The following ATXN3 variants were observed in gnomAD, a reference collection of about 807,000 sequenced individuals.
The protein encoded by ATXN3 is ataxin-3.
In ATXN3, 28 loss-of-function variants were observed where a neutral mutation model predicts 58.2. The observed-to-expected ratio is 0.48, with a 90% CI of 0.36 to 0.66. The LOEUF is 0.66. ATXN3 is among the 30% of genes least tolerant of loss of function. The probability of loss-of-function intolerance (pLI) is 0.00; values close to 1 mark genes in which losing one functional copy is unlikely to be tolerated. For synonymous variants in ATXN3, 113 were observed against 138.5 expected (o/e 0.82, Z 1.29); for missense variants, 321 against 422.1 (o/e 0.76, Z 2.10).
chr14:92,070,762 TTTTG>T, intron 10 of ATXN3, 169 bp downstream of exon 10: 2 of 1,318,210 alleles, frequency 1.5e-6, no homozygotes, highest in East Asian at 2.7e-5. Flanking sequence ...TTTTTTTTTC[TTTTG>T]GTAACTGCTC....
chr14:92,071,722 C>G (rs2059488192), intron 9 of ATXN3: 1 of 168,944 alleles, frequency 5.9e-6, no homozygotes, highest in Non-Finnish European at 1.3e-5. Flanking sequence ...TACCTTTGAT[C>G]AGATAAAGCA....
Position 92,096,801 on chromosome 14 carries a change from T to C in ATXN3, c.62A>G (p.Asn21Ser). 1 of 1,613,842 alleles carries C rather than the reference T, an allele frequency of 6.2e-7. No homozygotes were observed. The highest frequency in any genetic ancestry group is 8.5e-7 in the Non-Finnish European group (1 of 1,179,902). Residue 21 changes from asparagine to serine, a missense_variant, in exon 2 of 11, where the codon AAC (asparagine) becomes AGC (serine). Asn to Ser is a conservative substitution (Grantham distance 46). Around this residue, in one of 2 missense-constraint regions of ATXN3, gnomAD observed 121 missense variants for 198.9 expected, o/e 0.61. Transcript: ENST00000644486. Reference protein sequence around the residue: ...GSLCAQHCLNNLLQGEYFSPV... With the variant: ...GSLCAQHCLNSLLQGEYFSPV... Reference sequence around the variant, plus strand: ...GCTAAAATATTCTCCTTGCAATAAGTTATTCAGGCAATGTTGAGCACAAAG... The same window carrying C: ...GCTAAAATATTCTCCTTGCAATAAGCTATTCAGGCAATGTTGAGCACAAAG...
intron 6 of ATXN3, 70 bp from the exon 7 acceptor site, chr14:92,083,328 T>C (rs1018081897): frequency 2.1e-6 from 3 of 1,438,054 alleles, no homozygotes; most frequent in African/African-American, 2.9e-5. Flanking sequence ...AAAACACTAG[T>C]AGATAAAAAG....
rs766001707 is a variant in ATXN3, at chr14:92,096,772, C to T, written c.91G>A (p.Val31Met). ...NLLQGEYFSPVELSSIAHQLD... is the reference protein window; with the variant it reads ...NLLQGEYFSPMELSSIAHQLD... Reference sequence around the variant, plus strand: ...TGATGTGCAATTGAGGATAATTCCACAGGGCTAAAATATTCTCCTTGCAAT... The same window carrying T: ...TGATGTGCAATTGAGGATAATTCCATAGGGCTAAAATATTCTCCTTGCAAT... Residue 31 changes from valine to methionine, a missense_variant, in exon 2 of 11, where the codon GTG becomes ATG. Physicochemically the swap from Val to Met is conservative, Grantham distance 21. Transcript: ENST00000644486. 2 of 1,613,974 alleles carry T rather than the reference C, an allele frequency of 1.2e-6. No homozygotes were observed. Among genetic ancestry groups the T allele is most frequent in the Non-Finnish European group, 1.7e-6 (2 of 1,179,854 alleles).
downstream of ATXN3, among the ~76,000 whole-genome samples, chr14:92,055,834 G>A (rs548875640): frequency 2.0e-5 from 3 of 152,278 alleles, no homozygotes; most frequent in East Asian, 1.9e-4. This position sits in a 1 kb window ranked among gnomAD's most constrained non-coding sequence, Gnocchi z 4.5. Flanking sequence ...GGTGGCCTGC[G>A]CCTATAATCC....
At chr14:92,093,021 G>A (rs1026716489) in intron 5 of ATXN3, among the ~76,000 whole-genome samples, 1 of 150,008 alleles carries the variant, frequency 6.7e-6, no homozygotes, top group African/African-American at 2.4e-5. Context: ...GAGCCACCAT[G>A]CCTGGCTCTT....
chr14:92,100,708 T>C (rs1471555758), intron 1 of ATXN3, among the ~76,000 whole-genome samples: 4 of 152,166 alleles, frequency 2.6e-5, no homozygotes, highest in South Asian at 2.1e-4. Flanking sequence ...ATAGTGGTTA[T>C]ATTTGGTGGG....
intron 2 of ATXN3, among the ~76,000 whole-genome samples, chr14:92,046,968 T>C (rs2057430768): frequency 1.3e-5 from 2 of 152,160 alleles, no homozygotes; most frequent in Admixed American, 6.5e-5. Context: ...AAGGAGGGGC[T>C]ACAAAGTAGA....
intron 8 of ATXN3, 123 bp downstream of exon 8, chr14:92,082,177 T>A: frequency 9.3e-7 from 1 of 1,073,888 alleles, no homozygotes; most frequent in Admixed American, 2.7e-5. Flanking sequence ...GCCCACTATA[T>A]AGCTATTGCT....
At chr14:92,080,285 G>A (rs969997906) in intron 9 of ATXN3, among the ~76,000 whole-genome samples, 1 of 152,050 alleles carries the variant, frequency 6.6e-6, no homozygotes, top group African/African-American at 2.4e-5. Context: ...TTGGGAATGC[G>A]CTCCCATACC....
downstream of ATXN3, among the ~76,000 whole-genome samples, chr14:92,057,477 G>C (rs2057484695): frequency 2.0e-5 from 3 of 152,060 alleles, no homozygotes; most frequent in Admixed American, 1.3e-4. Context: ...AGCCCTCAGG[G>C]CTGCTCTACC....
intron 9 of ATXN3, among the ~76,000 whole-genome samples, chr14:92,079,790 T>G (rs1038219086): frequency 6.6e-6 from 1 of 152,172 alleles, no homozygotes; most frequent in Non-Finnish European, 1.5e-5. Flanking sequence ...CAGGCTGGAG[T>G]GCAATGGCGT....
At chr14:92,070,703 C>T in intron 10 of ATXN3, 1 of 1,179,650 alleles carries the variant, frequency 8.5e-7, no homozygotes, top group Non-Finnish European at 1.1e-6. Context: ...GCCTTGGTTT[C>T]CCAAAGTGCT....
intron 2 of ATXN3, among the ~76,000 whole-genome samples, chr14:92,047,566 G>T (rs1168823782): frequency 6.6e-6 from 1 of 152,098 alleles, no homozygotes; most frequent in Non-Finnish European, 1.5e-5. Context: ...TTAAGGTTGG[G>T]GGATACGAGA....
chr14:92,096,909 A>ACT, intron 1 of ATXN3, 71 bp from the exon 2 acceptor site: 1 of 1,291,868 alleles, frequency 7.7e-7, no homozygotes, highest in Non-Finnish European at 1.1e-6. Flanking sequence ...TCCCCTAAAT[A>ACT]ATTTTTTTTT....
At chr14:92,081,465 C>CAAAAA (rs58398762) in intron 8 of ATXN3, among the ~76,000 whole-genome samples, 102 of 82,744 alleles carry the variant, frequency 1.2e-3, no homozygotes, top group Non-Finnish European at 1.8e-3. Context: ...GACTCTGACT[C>CAAAAA]AAAAAAAAAA....
At chr14:92,051,336 A>C (rs1158055908), upstream of ATXN3, among the ~76,000 whole-genome samples, 2 of 152,174 alleles carry the variant, frequency 1.3e-5, no homozygotes, top group Non-Finnish European at 2.9e-5. Context: ...TTACTACAGA[A>C]TCTTTCTAAA....
chr14:92,084,243 T>C (rs917315436), intron 6 of ATXN3, among the ~76,000 whole-genome samples: 20 of 152,186 alleles, frequency 1.3e-4, no homozygotes, highest in Non-Finnish European at 2.8e-4. Context: ...ATACACTTAC[T>C]CACAGGGCTG....
In ATXN3 at chr14:92,064,170, G is replaced by A. The variant is rs1023894707; in HGVS notation, c.*150C>T. The A allele has an allele frequency of 2.6e-5, 14 of 529,398 alleles. No individual in the cohort carries two copies. The highest frequency in any genetic ancestry group is 2.1e-4 in the African/African-American group (11 of 51,508). The allele number at this position is 529,398 out of a possible 1,614,324, so 32.8% of individuals were successfully genotyped here. A position where few individuals can be genotyped will look rare whatever the true frequency, so the allele number is the denominator to read the frequency against. Reference sequence around the variant, plus strand: ...ATCATTATTTAGTCCTACAACCGACGCATTGTTCCACTTTCCCATCATTTT... The same window carrying A: ...ATCATTATTTAGTCCTACAACCGACACATTGTTCCACTTTCCCATCATTTT... On this transcript the variant is annotated 3_prime_UTR_variant, in exon 11 of 11. Transcript: ENST00000644486.
Sources: allele counts gnomAD v4.1 joint callset (sites outside exome capture counted in the v4.1 genomes callset), GRCh38; gene constraint gnomAD v4.1.1; regional missense constraint gnomAD v4.1.1; non-coding constraint Gnocchi (gnomAD v3.1); transcripts MANE v1.5; gene names NCBI Gene and HGNC (gene_info 2026-07-23, HGNC 2026-07-21).